TMEM217: variants seen among roughly 807,000 people sequenced by gnomAD.
The protein encoded by TMEM217 is chromosome 6 open reading frame 128.
For synonymous variants in TMEM217, 76 were observed against 88.3 expected (o/e 0.86, Z 0.78); for missense variants, 204 against 248.8 (o/e 0.82, Z 1.21).
At chr6:37,252,633 ATATATTT>A (rs1474098218) in intron 1 of TMEM217, among the ~76,000 whole-genome samples, 9,834 of 72,702 alleles carry the variant, frequency 0.14, 236 homozygotes, top group East Asian at 0.19. Context: ...ATATATATAT[ATATATTT>A]TTTTTTTTTT....
chr6:37,246,348 C>T (rs1296616509), intron 1 of TMEM217, among the ~76,000 whole-genome samples: 1 of 152,166 alleles, frequency 6.6e-6, no homozygotes, highest in Non-Finnish European at 1.5e-5. Context: ...CTGTTATCTT[C>T]CTTGGGCCAG....
intron 1 of TMEM217, among the ~76,000 whole-genome samples, chr6:37,248,422 C>G (rs910740859): frequency 6.6e-6 from 1 of 152,190 alleles, no homozygotes; most frequent in Non-Finnish European, 1.5e-5. Context: ...GTTTTTACCC[C>G]CTTTCTCACC....
At chr6:37,253,920 C>G (rs1765583390) in intron 1 of TMEM217, among the ~76,000 whole-genome samples, 1 of 152,206 alleles carries the variant, frequency 6.6e-6, no homozygotes, top group South Asian at 2.1e-4. Context: ...ACAGTCAACC[C>G]AGGCATATCT....
intron 1 of TMEM217, among the ~76,000 whole-genome samples, chr6:37,233,628 G>A (rs144287908): frequency 6.6e-6 from 1 of 152,308 alleles, no homozygotes; most frequent in African/African-American, 2.4e-5. Context: ...TGGGGTTTAA[G>A]TTCCAACATA....
At chr6:37,249,355 T>C (rs1177880504) in intron 1 of TMEM217, among the ~76,000 whole-genome samples, 2 of 152,200 alleles carry the variant, frequency 1.3e-5, no homozygotes, top group African/African-American at 4.8e-5. Context: ...AGTCTCACTC[T>C]GTTGCCTACG....
downstream of TMEM217, chr6:37,215,048 G>A: frequency 2.1e-6 from 2 of 933,860 alleles, no homozygotes; most frequent in Non-Finnish European, 3.1e-6. Flanking sequence ...GGAAATGTCT[G>A]TATAAAGCCC....
intron 1 of TMEM217, among the ~76,000 whole-genome samples, chr6:37,250,947 C>G (rs73417900): frequency 7.9e-5 from 12 of 152,148 alleles, no homozygotes; most frequent in Non-Finnish European, 1.8e-4. Flanking sequence ...GATGGTATTA[C>G]GCGGTAAGGT....
At chr6:37,231,066 T>C (rs939647777) in intron 1 of TMEM217, among the ~76,000 whole-genome samples, 1 of 151,830 alleles carries the variant, frequency 6.6e-6, no homozygotes, top group Non-Finnish European at 1.5e-5. Flanking sequence ...TTAATTTTTA[T>C]TTATTTTCTT....
intron 1 of TMEM217, among the ~76,000 whole-genome samples, chr6:37,223,409 T>C (rs262939): frequency 0.88 from 134,080 of 152,298 alleles, 59,261 homozygotes; most frequent in African/African-American, 0.96. Flanking sequence ...TAGACTTCTA[T>C]AGGAAACAAA....
chr6:37,228,783 G>A (rs1763989854), intron 1 of TMEM217, among the ~76,000 whole-genome samples: 1 of 151,718 alleles, frequency 6.6e-6, no homozygotes, highest in Admixed American at 6.6e-5. Flanking sequence ...GGATCACAAG[G>A]TCAGGAGATC....
chr6:37,250,789 T>G (rs1765357638), intron 1 of TMEM217, among the ~76,000 whole-genome samples: 1 of 152,270 alleles, frequency 6.6e-6, no homozygotes, highest in African/African-American at 2.4e-5. Flanking sequence ...TGCAACACAT[T>G]CTGATCTTTT....
At chr6:37,218,378 C>A in exon 2 of TMEM217, 1 of 1,424,852 alleles carries the variant, frequency 7.0e-7, no homozygotes, top group Admixed American at 2.1e-5. Context: ...GCCATGGCTG[C>A]CAAGGCCAGG....
chr6:37,235,026 G>C (rs1035595012), intron 1 of TMEM217, among the ~76,000 whole-genome samples: 1 of 152,090 alleles, frequency 6.6e-6, no homozygotes, highest in Non-Finnish European at 1.5e-5. Context: ...TGCTGGTGTG[G>C]CTTTTTAAAA....
intron 1 of TMEM217, among the ~76,000 whole-genome samples, chr6:37,221,584 T>C (rs1763527211): frequency 6.6e-6 from 1 of 152,206 alleles, no homozygotes; most frequent in African/African-American, 2.4e-5. Context: ...AGAATTTTCT[T>C]TGATTACTGC....
intron 1 of TMEM217, 22 bp from the exon 2 acceptor site, chr6:37,219,063 G>A (rs777187046): frequency 4.4e-6 from 7 of 1,586,912 alleles, no homozygotes; most frequent in Middle Eastern, 1.7e-4. Context: ...AACAACATGA[G>A]GGAGAATTCT....
downstream of TMEM217, chr6:37,213,123 G>T (rs1175801257): frequency 6.0e-6 from 4 of 664,256 alleles, no homozygotes; most frequent in East Asian, 1.1e-4. Flanking sequence ...GCAATAGGCT[G>T]GAAGTTAAGG....
At chr6:37,252,845 G>T (rs1420403524) in intron 1 of TMEM217, among the ~76,000 whole-genome samples, 1 of 151,544 alleles carries the variant, frequency 6.6e-6, no homozygotes, top group East Asian at 1.9e-4. Flanking sequence ...TTGTCATGTT[G>T]CCCAGGCTGG....
At chr6:37,227,085 C>A (rs1380361659) in intron 1 of TMEM217, among the ~76,000 whole-genome samples, 1 of 152,242 alleles carries the variant, frequency 6.6e-6, no homozygotes, top group Non-Finnish European at 1.5e-5. Flanking sequence ...GAACTCACAA[C>A]TTTCTGCCTC....
intron 1 of TMEM217, among the ~76,000 whole-genome samples, chr6:37,255,126 G>A (rs575062199): frequency 5.9e-5 from 9 of 152,268 alleles, no homozygotes; most frequent in African/African-American, 1.9e-4. Context: ...TTACTCTAGG[G>A]GATGGAGATG....
Sources: gnomAD v4.1 joint callset for allele counts (sites outside exome capture counted in the v4.1 genomes callset) on GRCh38, gnomAD v4.1.1 for gene constraint, MANE v1.5 for transcripts, NCBI Gene and HGNC (gene_info 2026-07-23, HGNC 2026-07-21) for gene names.